The following CHRNA7 variants were observed in gnomAD, a reference collection of about 807,000 sequenced individuals.
CHRNA7 encodes the protein neuronal acetylcholine receptor subunit alpha-7.
In CHRNA7, 17 loss-of-function variants were observed where a neutral mutation model predicts 48.0. The ratio of observed to expected loss-of-function variants is 0.35; its 90% CI spans 0.24 to 0.53. The LOEUF (loss-of-function observed/expected upper bound fraction) is 0.53, where lower values mean the gene tolerates loss of function less well. CHRNA7 is among the 20% of genes least tolerant of loss of function. The pLI is 0.92. For missense variants in CHRNA7, 155 were observed against 577.7 expected (o/e 0.27, Z 7.50); for synonymous variants, 75 against 242.3 (o/e 0.31, Z 6.41).
rs145933444 is a variant in CHRNA7, at chr15:32,115,359, G to A, written c.350+3460G>A. 3.5e-3 allele frequency among the ~76,000 whole-genome samples: 533 copies of A among 152,294 alleles called. 4 individuals carry two copies. The highest frequency in any genetic ancestry group is 0.012 in the African/African-American group (515 of 41,556). On this transcript the variant is annotated intron_variant, in intron 4 of 9. Transcript: ENST00000306901. The stretch of plus-strand genomic sequence containing the variant: ...TGTGCCTGCTGAAATTGGCAATGTG[G>A]GAGGAGAAGCAGGCAGGAGGAGAGA...
chr15:32,126,310 A>G (rs2051065809), intron 4 of CHRNA7, among the ~76,000 whole-genome samples: 1 of 152,186 alleles, frequency 6.6e-6, no homozygotes, highest in Non-Finnish European at 1.5e-5. Flanking sequence ...CAGTGGGTTC[A>G]TGGCTTCATA....
In CHRNA7 at chr15:32,150,608, C is replaced by T. The variant is rs367996978; in HGVS notation, c.351-3299C>T. On this transcript the variant is annotated intron_variant, in intron 4 of 9. Coordinates refer to ENST00000306901, the MANE Select transcript of CHRNA7 (RefSeq NM_000746.6). Reference sequence around the variant, plus strand: ...AAACAGGACACATAAATTAACACAACGGTAGTCTCTAAGAGTTAAAATTTT... The same window carrying T: ...AAACAGGACACATAAATTAACACAATGGTAGTCTCTAAGAGTTAAAATTTT... 3.3e-4 allele frequency among the ~76,000 whole-genome samples: 51 copies of T among 152,252 alleles called. No homozygotes were observed. The South Asian group carries it at 6.6e-3, about 20-fold the overall frequency.
chr15:32,104,313 A>G (rs1240441776), intron 3 of CHRNA7, among the ~76,000 whole-genome samples: 1 of 151,778 alleles, frequency 6.6e-6, no homozygotes, highest in Non-Finnish European at 1.5e-5. Context: ...TCTCCCTGCC[A>G]GGAAGACTCG....
chr15:32,111,594 A>T, intron 3 of CHRNA7, 196 bp from the exon 4 acceptor site: 2 of 533,622 alleles, frequency 3.7e-6, no homozygotes, highest in South Asian at 2.9e-5. Context: ...AGAACCTTAA[A>T]TGTGAGTTTT....
At chr15:32,139,182 T>G (rs2051330979) in intron 4 of CHRNA7, among the ~76,000 whole-genome samples, 1 of 152,222 alleles carries the variant, frequency 6.6e-6, no homozygotes, top group East Asian at 1.9e-4. Context: ...CCTCCATGTT[T>G]TTTTCATGGC....
chr15:32,103,478 G>A (rs1398946554), intron 3 of CHRNA7, among the ~76,000 whole-genome samples: 2 of 151,384 alleles, frequency 1.3e-5, no homozygotes, highest in Admixed American at 6.6e-5. Context: ...TCTCCAAGGT[G>A]CACCCATAGC....
chr15:32,122,887 C>CA (rs61151556), intron 4 of CHRNA7, among the ~76,000 whole-genome samples: 32,259 of 107,778 alleles, frequency 0.3, 3,870 homozygotes, highest in Middle Eastern at 0.44. Flanking sequence ...GCTCTCAAAG[C>CA]AAAAAAAAAA....
At chr15:32,059,911 A>G (rs1438733493) in intron 2 of CHRNA7, among the ~76,000 whole-genome samples, 1 of 130,008 alleles carries the variant, frequency 7.7e-6, no homozygotes, top group Non-Finnish European at 1.6e-5. Context: ...ACTGATTAGT[A>G]TCCTAAGATC....
chr15:32,077,790 A>G (rs1302948651), intron 2 of CHRNA7, among the ~76,000 whole-genome samples: 1 of 152,218 alleles, frequency 6.6e-6, no homozygotes, highest in Non-Finnish European at 1.5e-5. Context: ...GAGGAGGAGC[A>G]TGTGTAGAGA....
chr15:32,047,484 G>A (rs560903804), intron 2 of CHRNA7, among the ~76,000 whole-genome samples: 1 of 152,046 alleles, frequency 6.6e-6, no homozygotes, highest in African/African-American at 2.4e-5. Flanking sequence ...TCTGTTATTG[G>A]TGTATAAGAA....
chr15:32,059,463 C>T lies in CHRNA7; in HGVS notation c.195+28426C>T, dbSNP rs532268558. On this transcript the variant is annotated intron_variant, in intron 2 of 9. Transcript: ENST00000306901. ...TGATGCTTGAACTGTCAGATTGGCT[C>T]CTGCATTGTTTTGCTTTGGTCACTG... Among the ~76,000 whole-genome samples, 4 of 152,192 alleles carry T rather than the reference C, an allele frequency of 2.6e-5. No homozygotes were observed. In the East Asian group the frequency reaches 7.7e-4, roughly 29 times the overall value.
At chr15:32,143,745 CT>C (rs1053921325) in intron 4 of CHRNA7, among the ~76,000 whole-genome samples, 3 of 151,208 alleles carry the variant, frequency 2.0e-5, no homozygotes, top group Non-Finnish European at 3.0e-5. Context: ...GCAACCCCTG[CT>C]TTTTTTTTGC....
intron 2 of CHRNA7, among the ~76,000 whole-genome samples, chr15:32,057,958 G>A (rs1223162813): frequency 2.0e-5 from 3 of 152,180 alleles, no homozygotes; most frequent in South Asian, 2.1e-4. Context: ...GATGTCTCCA[G>A]ATCTGTCCTG....
chr15:32,113,775 A>G (rs1429274564), intron 4 of CHRNA7, among the ~76,000 whole-genome samples: 1 of 152,024 alleles, frequency 6.6e-6, no homozygotes, highest in Non-Finnish European at 1.5e-5. Context: ...TCATTTTCCA[A>G]TTCGGATTTT....
intron 2 of CHRNA7, among the ~76,000 whole-genome samples, chr15:32,097,083 C>T (rs2050483079): frequency 6.6e-6 from 1 of 152,132 alleles, no homozygotes; most frequent in Non-Finnish European, 1.5e-5. Context: ...TCCTCCTCTT[C>T]CCACCTGCTG....
chr15:32,050,877 A>G (rs963602810), intron 2 of CHRNA7, among the ~76,000 whole-genome samples: 2 of 152,160 alleles, frequency 1.3e-5, no homozygotes, highest in African/African-American at 2.4e-5. Flanking sequence ...CAGGACCCTC[A>G]GCTGCAGGTC....
At chr15:32,167,748 G>C (rs2052241098) in intron 9 of CHRNA7, among the ~76,000 whole-genome samples, 192 bp from the exon 10 acceptor site, 1 of 59,646 alleles carries the variant, frequency 1.7e-5, no homozygotes, top group South Asian at 9.3e-4. Flanking sequence ...ATCAGTTTTA[G>C]TCTTGCCTCA....
intron 2 of CHRNA7, among the ~76,000 whole-genome samples, chr15:32,032,030 A>AG (rs1901866667): frequency 6.6e-6 from 1 of 152,166 alleles, no homozygotes; most frequent in African/African-American, 2.4e-5. Flanking sequence ...AAGTGGAAAA[A>AG]GGTAAGAGGT....
At chr15:32,097,328 C>G (rs2050488221) in intron 2 of CHRNA7, among the ~76,000 whole-genome samples, 1 of 151,980 alleles carries the variant, frequency 6.6e-6, no homozygotes, top group Non-Finnish European at 1.5e-5. Flanking sequence ...TTTTTTTCCC[C>G]CACTAAATGC....
Sources: allele counts gnomAD v4.1 joint callset (sites outside exome capture counted in the v4.1 genomes callset), GRCh38; gene constraint gnomAD v4.1.1; transcripts MANE v1.5; gene names NCBI Gene and HGNC (gene_info 2026-07-23, HGNC 2026-07-21).